PHF5A: variants seen among roughly 807,000 people sequenced by gnomAD.
PHF5A encodes the protein PHD finger protein 5A, also known as PHD finger-like domain-containing protein 5A.
For missense variants in PHF5A, 24 were observed against 140.6 expected (o/e 0.17, Z 4.19); for synonymous variants, 52 against 46.0 (o/e 1.13, Z -0.52).
chr22:41,466,090 C>T (rs1019170145), intron 3 of PHF5A, among the ~76,000 whole-genome samples: 11 of 152,150 alleles, frequency 7.2e-5, no homozygotes, highest in Non-Finnish European at 1.2e-4. Context: ...TGAAGAATTA[C>T]GCATCTTTTG....
At chr22:41,461,381 G>C (rs2037826078) in intron 3 of PHF5A, among the ~76,000 whole-genome samples, 1 of 144,814 alleles carries the variant, frequency 6.9e-6, no homozygotes, top group Non-Finnish European at 1.5e-5. Flanking sequence ...AGTTGAGGTA[G>C]ACTATGAAAC....
rs1568995589 is a variant in PHF5A, at chr22:41,467,625, G to A, written c.77-11C>T. ...CACACTTGCCATCACCTGTAAGGAAGAGAATGGAGTCATGCTCACAAGTTC... is the reference window on the plus strand; with the variant it reads ...CACACTTGCCATCACCTGTAAGGAAAAGAATGGAGTCATGCTCACAAGTTC... On this transcript the variant is annotated splice_polypyrimidine_tract_variant and intron_variant, in intron 2 of 3. Coordinates refer to ENST00000216252, the MANE Select transcript of PHF5A (RefSeq NM_032758.4). The A allele has an allele frequency of 1.9e-6, 3 of 1,613,830 alleles. No individual in the cohort carries two copies. The highest frequency in any genetic ancestry group is 2.2e-5 in the East Asian group (1 of 44,898).
chr22:41,463,328 C>T (rs759252177), intron 3 of PHF5A, among the ~76,000 whole-genome samples: 1 of 151,898 alleles, frequency 6.6e-6, no homozygotes, highest in East Asian at 1.9e-4. Context: ...TGGTGGCTCA[C>T]GCCTGTAATC....
chr22:41,461,677 T>C (rs2037828851), intron 3 of PHF5A, among the ~76,000 whole-genome samples: 1 of 151,640 alleles, frequency 6.6e-6, no homozygotes, highest in Non-Finnish European at 1.5e-5. Flanking sequence ...ATTTTATTTT[T>C]TTTTGAGACG....
chr22:41,460,601 C>T (rs1005535145), intron 3 of PHF5A, 114 bp from the exon 4 acceptor site: 9 of 660,920 alleles, frequency 1.4e-5, no homozygotes, highest in South Asian at 2.7e-5. Context: ...AGCTACTACT[C>T]GAAGGCCGAG....
At chr22:41,468,347 G>T (rs1217652941) in intron 1 of PHF5A, 200 bp from the exon 2 acceptor site, 3 of 653,854 alleles carry the variant, frequency 4.6e-6, no homozygotes, top group African/African-American at 3.7e-5. Context: ...CCAACGCCCT[G>T]GGCAAGCTCA....
chr22:41,465,647 C>T (rs888131035), intron 3 of PHF5A, among the ~76,000 whole-genome samples: 4 of 152,066 alleles, frequency 2.6e-5, no homozygotes, highest in Non-Finnish European at 4.4e-5. Flanking sequence ...TTCGGGAGGC[C>T]CAGATGGGTG....
intron 3 of PHF5A, among the ~76,000 whole-genome samples, chr22:41,461,638 G>A (rs894660237): frequency 2.0e-5 from 3 of 151,754 alleles, no homozygotes; most frequent in Admixed American, 6.6e-5. Flanking sequence ...GATTACAGGC[G>A]TGAGTCACAG....
rs2037814557 is a variant in PHF5A at position 41,460,031 on chromosome 22, G to C, written c.*367C>G. 2 of 150,838 alleles carry C rather than the reference G, an allele frequency of 1.3e-5. No individual in the cohort carries two copies. Among genetic ancestry groups the C allele is most frequent in the South Asian group, 4.2e-4 (2 of 4,780 alleles). 9.3% of individuals were successfully genotyped at this position (150,838 alleles called of 1,614,324 possible). A position where few individuals can be genotyped will look rare whatever the true frequency, so the allele number is the denominator to read the frequency against. On this transcript the variant is annotated 3_prime_UTR_variant, in exon 4 of 4. Transcript: ENST00000216252. ...TGCTGCAAGAACATGTTTTTCACTG[G>C]GCGTCGCTTCACAGTCAGTTCCTCA...
intron 3 of PHF5A, among the ~76,000 whole-genome samples, chr22:41,464,632 A>C (rs975202363): frequency 3.7e-4 from 56 of 152,246 alleles, no homozygotes; most frequent in African/African-American, 1.3e-3. Context: ...GGAGTCAGAC[A>C]GCAATTAACA....
At position 41,460,491 on chromosome 22, in the gene PHF5A, G is replaced by C. The variant is rs770567721; in HGVS notation, c.244-4C>G. The C allele has an allele frequency of 1.3e-6, 2 of 1,594,406 alleles. No individual in the cohort carries two copies. The highest frequency in any genetic ancestry group is 1.7e-6 in the Non-Finnish European group (2 of 1,166,586). ...CAATCTTTGGGCAGCCATCTCTCTG[G>C]AAAACAGAACAGAGAAGTTGTTAAG... On this transcript the variant is annotated splice_region_variant and splice_polypyrimidine_tract_variant and intron_variant, in intron 3 of 3. Transcript: ENST00000216252.
Position 41,460,335 on chromosome 22 carries a change from T to C in PHF5A, c.*63A>G. The C allele has an allele frequency of 7.4e-7, 1 of 1,343,546 alleles. No homozygotes were observed. The highest frequency in any genetic ancestry group is 1.1e-6 in the Non-Finnish European group (1 of 950,822). 83.2% of individuals were successfully genotyped at this position (1,343,546 alleles called of 1,614,324 possible). A position where few individuals can be genotyped will look rare whatever the true frequency, so the allele number is the denominator to read the frequency against. On this transcript the variant is annotated 3_prime_UTR_variant, in exon 4 of 4. Transcript: ENST00000216252. The stretch of plus-strand genomic sequence containing the variant: ...TCTGCTCCCTTTCTGCTGGTAGTAG[T>C]AGGCATGTTTTCTGGCAGCTGCAGC...
intron 3 of PHF5A, among the ~76,000 whole-genome samples, chr22:41,462,742 AAAG>A (rs2037835517): frequency 6.6e-6 from 1 of 152,178 alleles, no homozygotes; most frequent in African/African-American, 2.4e-5. Flanking sequence ...CTCAGCTGCA[AAAG>A]AAGAAGACTG....
Position 41,468,128 on chromosome 22 carries a change from T to C in PHF5A, c.72A>G (p.Glu24=), listed in dbSNP as rs1601868552. 6.2e-7 allele frequency: 1 copy of C among 1,614,040 alleles called. No individual in the cohort carries two copies. The highest frequency in any genetic ancestry group is 2.2e-5 in the East Asian group (1 of 44,882). The change falls in exon 2 of 4, where the codon GAA becomes GAG. Residue 24 remains glutamate, a synonymous_variant. Transcript: ENST00000216252. ...GGGACGGTGTGTTCCACTCACATTT[T>C]TCACACAGTCTTCCGATGGCTGCAA... is the stretch of plus-strand genomic sequence containing the variant. ...QAGVAIGRLC[E]KCDGKCVICD... is the part of the protein sequence containing the mutation.
intron 3 of PHF5A, among the ~76,000 whole-genome samples, chr22:41,466,370 G>A (rs955048733): frequency 1.3e-5 from 2 of 152,146 alleles, no homozygotes; most frequent in Non-Finnish European, 2.9e-5. Context: ...AAAAAATCAC[G>A]ATGCAGGTCC....
chr22:41,465,068 T>C (rs1457542685), intron 3 of PHF5A, among the ~76,000 whole-genome samples: 1 of 152,200 alleles, frequency 6.6e-6, no homozygotes, highest in Non-Finnish European at 1.5e-5. Flanking sequence ...TAGTTGAAGG[T>C]AAATGCAAAT....
chr22:41,462,915 T>G (rs1014989670), intron 3 of PHF5A, among the ~76,000 whole-genome samples: 1 of 150,928 alleles, frequency 6.6e-6, no homozygotes, highest in Admixed American at 6.6e-5. Context: ...CATCTGTCGC[T>G]CAGGCTGGAG....
chr22:41,463,848 C>T (rs1034715886), intron 3 of PHF5A, among the ~76,000 whole-genome samples: 1 of 151,086 alleles, frequency 6.6e-6, no homozygotes, highest in African/African-American at 2.4e-5. Flanking sequence ...GAGCCGAGAT[C>T]GTGCCATTGC....
At chr22:41,468,309 T>G (rs2037889620) in intron 1 of PHF5A, 162 bp from the exon 2 acceptor site, 3 of 693,484 alleles carry the variant, frequency 4.3e-6, no homozygotes, top group Admixed American at 2.6e-5. Flanking sequence ...GAACCAAACC[T>G]ACATCCAAGC....
Sources: allele counts gnomAD v4.1 joint callset (sites outside exome capture counted in the v4.1 genomes callset), GRCh38; gene constraint gnomAD v4.1.1; transcripts MANE v1.5; gene names NCBI Gene and HGNC (gene_info 2026-07-23, HGNC 2026-07-21).